The following CDKL5 variants were observed in gnomAD, a reference collection of about 807,000 sequenced individuals.
CDKL5 encodes the protein cyclin-dependent kinase-like 5.
Under a neutral mutation model 61.7 loss-of-function variants are expected in CDKL5, and 8 were observed. The observed-to-expected ratio is 0.13, with a 90% CI of 0.08 to 0.23. The LOEUF (loss-of-function observed/expected upper bound fraction) is 0.23. Among genes scored for constraint, CDKL5 ranks in the 10% least tolerant of loss-of-function variants. CDKL5 has a pLI of 1.00. For synonymous variants in CDKL5, 275 were observed against 272.3 expected, an observed-to-expected ratio of 1.01 and a Z score of -0.10; for missense variants, 440 against 734.5, an observed-to-expected ratio of 0.60 and a Z score of 4.63.
chrX:18,650,554 G>C (rs760568446), exon 21 of CDKL5: 4 of 1,210,751 alleles, frequency 3.3e-6, no homozygotes, highest in Non-Finnish European at 4.5e-6. Flanking sequence ...CTCCAGGTCC[G>C]AGGCACTGAT....
intron 1 of CDKL5, among the ~76,000 whole-genome samples, chrX:18,430,069 A>T (rs1218491162): frequency 8.9e-6 from 1 of 112,304 alleles, no homozygotes; most frequent in Non-Finnish European, 1.9e-5. Flanking sequence ...GACTGAACTC[A>T]GATCCATCAG....
At position 18,635,173 on chromosome X, in the gene CDKL5, C is replaced by G; in HGVS notation, c.*6416C>G. On this transcript the variant is annotated 3_prime_UTR_variant, in exon 18 of 18. Coordinates refer to ENST00000623535, the MANE Select transcript of CDKL5 (RefSeq NM_001323289.2). ...AACCATTTGTAAAGTGTTTCTATAA[C>G]TCTTTGTATCATGTGTTGGTACATC... is the stretch of plus-strand genomic sequence containing the variant. 1 of 747,801 alleles carries G rather than the reference C, an allele frequency of 1.3e-6. No homozygotes were observed. The highest frequency in any genetic ancestry group is 1.6e-6 in the Non-Finnish European group (1 of 634,028). The allele number at this position is 747,801 out of a possible 1,213,427, so 61.6% of individuals were successfully genotyped here. A position where few individuals can be genotyped will look rare whatever the true frequency, so the allele number is the denominator to read the frequency against.
At position 18,494,023 on chromosome X, in the gene CDKL5, T is replaced by TC. The variant is rs1221791242; in HGVS notation, c.-162-12909dup. Among the ~76,000 whole-genome samples the TC allele has an allele frequency of 7.2e-5, 8 of 111,199 alleles. 1 individual carries two copies. The South Asian group carries it at 2.3e-3, about 32-fold the overall frequency. On this transcript the variant is annotated intron_variant, in intron 1 of 17. Transcript: ENST00000623535. ...TCGACTTCCTGTGTTCAAATGATTC[T>TC]CCCACCTCAGCCTCCTGAGTAGCTG...
chrX:18,493,235 T>C (rs904451774), intron 1 of CDKL5, among the ~76,000 whole-genome samples: 7 of 112,288 alleles, frequency 6.2e-5, no homozygotes, highest in African/African-American at 2.3e-4. Flanking sequence ...TATATCTCTT[T>C]CATAGCACTA....
At chrX:18,430,892 C>CA (rs1287415182) in intron 1 of CDKL5, among the ~76,000 whole-genome samples, 6 of 108,752 alleles carry the variant, frequency 5.5e-5, no homozygotes, top group Non-Finnish European at 9.6e-5. Flanking sequence ...ATGAGTCCCC[C>CA]ACTCTGTTGC....
chrX:18,493,951 A>G (rs935950317), intron 1 of CDKL5, among the ~76,000 whole-genome samples: 1 of 111,845 alleles, frequency 8.9e-6, no homozygotes, highest in African/African-American at 3.3e-5. Flanking sequence ...GGTCTTGCTC[A>G]TCACCCAGGC....
intron 1 of CDKL5, among the ~76,000 whole-genome samples, chrX:18,468,844 A>G (rs1214761596): frequency 9.0e-6 from 1 of 111,323 alleles, no homozygotes; most frequent in Non-Finnish European, 1.9e-5. Flanking sequence ...GTTCTTACTC[A>G]TGGCAGATAA....
intron 1 of CDKL5, among the ~76,000 whole-genome samples, chrX:18,427,352 G>C (rs1487716261): frequency 5.6e-5 from 6 of 107,468 alleles, no homozygotes; most frequent in Non-Finnish European, 7.7e-5. Context: ...GGTGGTTGAG[G>C]GGGGAAGGAG....
chrX:18,498,587 ATTG>A (rs748273261), intron 1 of CDKL5, among the ~76,000 whole-genome samples: 2 of 110,771 alleles, frequency 1.8e-5, no homozygotes, highest in African/African-American at 3.3e-5. Flanking sequence ...CTCCTTAAGC[ATTG>A]TTTTCTTTCT....
chrX:18,629,057 A>C lies in CDKL5; in HGVS notation c.*300A>C. The C allele has an allele frequency of 1.2e-6, 1 of 860,521 alleles. No individual in the cohort carries two copies. 70.9% of individuals were successfully genotyped at this position (860,521 alleles called of 1,213,427 possible). ...ATTCTTGCCAGTTTCTCCCCTTTAC[A>C]TTCCAGCTTTAGTGCAATCTCTGTT... On this transcript the variant is annotated 3_prime_UTR_variant, in exon 18 of 18. Transcript: ENST00000623535.
chrX:18,569,621 C>T (rs769871610), intron 4 of CDKL5, among the ~76,000 whole-genome samples: 52 of 112,005 alleles, frequency 4.6e-4, no homozygotes, highest in Non-Finnish European at 7.5e-4. Context: ...AACCCAAGAG[C>T]GCTGATTTAG....
At chrX:18,600,156 T>C (rs1926133427) in intron 11 of CDKL5, among the ~76,000 whole-genome samples, 1 of 112,344 alleles carries the variant, frequency 8.9e-6, no homozygotes, top group East Asian at 2.8e-4. Context: ...ACTATTTAGG[T>C]CTGGGAGAGC....
In CDKL5 at chrX:18,471,851, A is replaced by G. The variant is rs779225359; in HGVS notation, c.-162-35084A>G. Among the ~76,000 whole-genome samples, 4 of 111,112 alleles carry G rather than the reference A, an allele frequency of 3.6e-5. No individual in the cohort carries two copies. The East Asian group carries it at 8.5e-4, about 24-fold the overall frequency. On this transcript the variant is annotated intron_variant, in intron 1 of 17. Transcript: ENST00000623535. The stretch of plus-strand genomic sequence containing the variant: ...TCTTCCCGGGTTGAAGCAATCCTCC[A>G]GGCTCAGCCTCCCAAGTAGCTGGGA...
In CDKL5 at chrX:18,520,047, G is replaced by A. The variant is rs757296159; in HGVS notation, c.99+9193G>A. On this transcript the variant is annotated intron_variant, in intron 3 of 17. Transcript: ENST00000623535. Reference sequence around the variant, plus strand: ...ATACAAGTCAGTAGATGGTTGAGCCGGGAATTAGTCACATTTTAGGCTCCC... The same window carrying A: ...ATACAAGTCAGTAGATGGTTGAGCCAGGAATTAGTCACATTTTAGGCTCCC... Among the ~76,000 whole-genome samples, 4 of 111,557 alleles carry A rather than the reference G, an allele frequency of 3.6e-5. No individual in the cohort carries two copies. The South Asian group carries it at 1.5e-3, about 42-fold the overall frequency.
In CDKL5 at chrX:18,630,454, C is replaced by T; in HGVS notation, c.*1697C>T. 1.3e-6 allele frequency: 1 copy of T among 753,156 alleles called. No homozygotes were observed. Among genetic ancestry groups the T allele is most frequent in the Non-Finnish European group, 1.6e-6 (1 of 638,976 alleles). 62.1% of individuals were successfully genotyped at this position (753,156 alleles called of 1,213,427 possible). ...CTTCTCAGTATTTATTACTTGTCCT[C>T]AAATTCTGAGTGTCAGCCCCTGCAT... On this transcript the variant is annotated 3_prime_UTR_variant, in exon 18 of 18. Coordinates refer to ENST00000623535, the MANE Select transcript of CDKL5 (RefSeq NM_001323289.2).
chrX:18,479,744 T>A (rs762901521), intron 1 of CDKL5, among the ~76,000 whole-genome samples: 1 of 111,990 alleles, frequency 8.9e-6, no homozygotes, highest in South Asian at 3.7e-4. Context: ...ATGAGATAGA[T>A]AGATATGTTT....
chrX:18,651,825 T>C (rs955336640), intron 21 of CDKL5, among the ~76,000 whole-genome samples: 1 of 111,491 alleles, frequency 9.0e-6, no homozygotes, highest in Non-Finnish European at 1.9e-5. Context: ...AGTTCTCTTA[T>C]TGTGATTTTT....
intron 20 of CDKL5, among the ~76,000 whole-genome samples, chrX:18,648,019 C>T (rs1023972062): frequency 1.1e-4 from 12 of 111,325 alleles, no homozygotes; most frequent in Non-Finnish European, 1.9e-4. Flanking sequence ...CCCTTCCTCT[C>T]GTCTGTATGT....
intron 3 of CDKL5, among the ~76,000 whole-genome samples, chrX:18,537,780 T>G: frequency 8.9e-6 from 1 of 112,591 alleles, no homozygotes. Context: ...GAGACTGGCT[T>G]TATTCACTCA....
Sources: allele counts gnomAD v4.1 joint callset (sites outside exome capture counted in the v4.1 genomes callset), GRCh38; gene constraint gnomAD v4.1.1; transcripts MANE v1.5; gene names NCBI Gene and HGNC (gene_info 2026-07-23, HGNC 2026-07-21).